The following PLCB1 variants were observed in gnomAD, a reference collection of about 807,000 sequenced individuals.
PLCB1 encodes phospholipase C beta 1.
PLCB1 carries 46 observed loss-of-function variants against 161.8 expected under a neutral mutation model. That is an observed-to-expected ratio of 0.28 (90% CI 0.22 to 0.36). PLCB1 has a LOEUF of 0.36. PLCB1 is among the 10% of genes least tolerant of loss of function. The probability of loss-of-function intolerance (pLI) is 1.00; values close to 1 mark genes in which losing one functional copy is unlikely to be tolerated. For missense variants in PLCB1, 1,016 were observed against 1,472.5 expected, an observed-to-expected ratio of 0.69 and a Z score of 5.07; for synonymous variants, 517 against 503.7, an observed-to-expected ratio of 1.03 and a Z score of -0.35.
intron 3 of PLCB1, among the ~76,000 whole-genome samples, chr20:8,613,136 A>G (rs374736580): frequency 6.6e-6 from 1 of 152,228 alleles, no homozygotes; most frequent in Non-Finnish European, 1.5e-5. Flanking sequence ...AGAAAAAATA[A>G]TATGTTGAAA....
At chr20:8,187,832 C>T (rs972954695) in intron 2 of PLCB1, among the ~76,000 whole-genome samples, 6 of 151,914 alleles carry the variant, frequency 3.9e-5, no homozygotes, top group African/African-American at 1.5e-4. Context: ...TGCATAGGAC[C>T]ACTACATATT....
chr20:8,395,366 ATTAC>A lies in PLCB1; in HGVS notation c.246+23920_246+23923del, dbSNP rs1404520682. On this transcript the variant is annotated intron_variant, in intron 3 of 31. Transcript: ENST00000338037. Reference sequence around the variant, plus strand: ...CTTTAGAAGGCATTGTCTACATATTATTACTTATGGATACCAGATGAAAATCTAA... The same window carrying A: ...CTTTAGAAGGCATTGTCTACATATTATTATGGATACCAGATGAAAATCTAA... 1.1e-4 allele frequency among the ~76,000 whole-genome samples: 16 copies of A among 152,140 alleles called. 1 individual carries two copies. The highest frequency in any genetic ancestry group is 3.6e-4 in the African/African-American group (15 of 41,560).
intron 3 of PLCB1, among the ~76,000 whole-genome samples, chr20:8,567,752 A>C (rs1022718163): frequency 2.2e-4 from 33 of 152,178 alleles, no homozygotes; most frequent in African/African-American, 7.7e-4. Context: ...ATAAATAAAT[A>C]AATACTTTAA....
At chr20:8,634,633 A>C (rs1432847394) in intron 4 of PLCB1, among the ~76,000 whole-genome samples, 1 of 152,240 alleles carries the variant, frequency 6.6e-6, no homozygotes, top group South Asian at 2.1e-4. Context: ...GCTCATCTGC[A>C]TAAGAATGGC....
intron 9 of PLCB1, among the ~76,000 whole-genome samples, chr20:8,682,769 T>C (rs1213963840): frequency 6.6e-6 from 1 of 152,182 alleles, no homozygotes; most frequent in East Asian, 1.9e-4. Flanking sequence ...ACAGATACTT[T>C]TATATACCAT....
intron 23 of PLCB1, among the ~76,000 whole-genome samples, chr20:8,752,809 G>T (rs1240012343): frequency 1.4e-5 from 2 of 146,112 alleles, no homozygotes; most frequent in Non-Finnish European, 3.0e-5. Context: ...AAAAAAAAAA[G>T]TGTCTACAGC....
chr20:8,540,765 TGACA>T lies in PLCB1; in HGVS notation c.247-87523_247-87520del, dbSNP rs540457846. Among the ~76,000 whole-genome samples, 196 of 152,274 alleles carry T rather than the reference TGACA, an allele frequency of 1.3e-3. 1 individual carries two copies. Among genetic ancestry groups the T allele is most frequent in the African/African-American group, 4.5e-3 (185 of 41,562 alleles). On this transcript the variant is annotated intron_variant, in intron 3 of 31. Transcript: ENST00000338037. ...TTATTTCCACCTTCTCCACAGTTGT[TGACA>T]GACAGCAAATAAAGGCAACATTGTT...
At chr20:8,460,056 G>A (rs1383250864) in intron 3 of PLCB1, among the ~76,000 whole-genome samples, 1 of 152,184 alleles carries the variant, frequency 6.6e-6, no homozygotes, top group Admixed American at 6.5e-5. Flanking sequence ...CTTAAGGGCA[G>A]ATTTCAGAAC....
intron 3 of PLCB1, among the ~76,000 whole-genome samples, chr20:8,418,548 C>T (rs114260759): frequency 0.027 from 4,130 of 152,014 alleles, 181 homozygotes; most frequent in African/African-American, 0.093. Context: ...CTTCTAAAAG[C>T]TTTCCTTCTT....
intron 2 of PLCB1, among the ~76,000 whole-genome samples, chr20:8,155,623 A>T (rs1465648428): frequency 6.6e-6 from 1 of 152,182 alleles, no homozygotes; most frequent in East Asian, 1.9e-4. Flanking sequence ...ATAAAGAACT[A>T]CTGGGTACCA....
intron 3 of PLCB1, among the ~76,000 whole-genome samples, chr20:8,447,861 T>G (rs912869727): frequency 1.3e-5 from 2 of 152,230 alleles, no homozygotes; most frequent in East Asian, 3.9e-4. Flanking sequence ...TGACCCTTAA[T>G]TTCCCTTTGC....
intron 3 of PLCB1, among the ~76,000 whole-genome samples, chr20:8,610,324 G>T (rs1487322624): frequency 6.6e-6 from 1 of 152,088 alleles, no homozygotes; most frequent in Non-Finnish European, 1.5e-5. Flanking sequence ...CTTCATTGCT[G>T]TTAATTGTCA....
chr20:8,181,034 T>C (rs1286727122), intron 2 of PLCB1, among the ~76,000 whole-genome samples: 1 of 151,782 alleles, frequency 6.6e-6, no homozygotes, highest in Non-Finnish European at 1.5e-5. Context: ...GCGGATTACC[T>C]GAGGTCAGGA....
intron 31 of PLCB1, among the ~76,000 whole-genome samples, chr20:8,849,134 T>C (rs762445067): frequency 4.6e-5 from 7 of 152,164 alleles, no homozygotes; most frequent in Admixed American, 2.0e-4. Context: ...GCTATAGTTA[T>C]ATGTGGTCGT....
intron 31 of PLCB1, among the ~76,000 whole-genome samples, chr20:8,841,925 T>A (rs1215041072): frequency 6.6e-6 from 1 of 152,214 alleles, no homozygotes; most frequent in East Asian, 1.9e-4. Context: ...AAAACCTAGT[T>A]ATGTGATGTG....
chr20:8,694,033 C>A (rs914622797), intron 10 of PLCB1, among the ~76,000 whole-genome samples: 1 of 152,182 alleles, frequency 6.6e-6, no homozygotes, highest in Non-Finnish European at 1.5e-5. Context: ...CTAATCTCAA[C>A]CTTCAGCGAT....
At chr20:8,688,471 G>A (rs1669450806) in intron 10 of PLCB1, among the ~76,000 whole-genome samples, 1 of 152,090 alleles carries the variant, frequency 6.6e-6, no homozygotes, top group South Asian at 2.1e-4. Context: ...AATTTTTATA[G>A]TTTCAGGTCT....
intron 24 of PLCB1, among the ~76,000 whole-genome samples, chr20:8,759,096 C>T (rs945040715): frequency 1.3e-5 from 2 of 152,144 alleles, no homozygotes; most frequent in Admixed American, 1.3e-4. Context: ...ACAGTCTTTC[C>T]TGTCTTTCAT....
At chr20:8,665,605 T>C (rs1989791594) in intron 9 of PLCB1, among the ~76,000 whole-genome samples, 1 of 152,228 alleles carries the variant, frequency 6.6e-6, no homozygotes, top group Admixed American at 6.5e-5. Context: ...CTATACCTTT[T>C]TATTAAAATG....
Sources: allele counts gnomAD v4.1 joint callset (sites outside exome capture counted in the v4.1 genomes callset), GRCh38; gene constraint gnomAD v4.1.1; transcripts MANE v1.5; gene names NCBI Gene and HGNC (gene_info 2026-07-23, HGNC 2026-07-21).